Variants in ZFHX3 observed in about 807,000 individuals in gnomAD.
The protein encoded by ZFHX3 is zinc finger homeobox 3.
Under a neutral mutation model 279.1 loss-of-function variants are expected in ZFHX3, and 42 were observed. The observed-to-expected ratio is 0.15, with a 90% CI of 0.12 to 0.19. The LOEUF (loss-of-function observed/expected upper bound fraction) is 0.19, where lower values mean the gene tolerates loss of function less well. ZFHX3 is among the 10% of genes least tolerant of loss of function. The pLI, the probability that ZFHX3 is intolerant of heterozygous loss-of-function variation, is 1.00. For missense variants in ZFHX3, 4,981 were observed against 4,754.0 expected, an observed-to-expected ratio of 1.05 and a Z score of -1.40; for synonymous variants, 2,293 against 1,957.8, an observed-to-expected ratio of 1.17 and a Z score of -4.52.
intron 3 of ZFHX3, among the ~76,000 whole-genome samples, chr16:73,322,227 T>C (rs1260599444): frequency 6.6e-6 from 1 of 150,678 alleles, no homozygotes. Context: ...CAGAGGCAGA[T>C]GAAATCAGCC....
chr16:72,838,627 T>C (rs2037261943), intron 4 of ZFHX3, among the ~76,000 whole-genome samples: 1 of 152,070 alleles, frequency 6.6e-6, no homozygotes, highest in Non-Finnish European at 1.5e-5. Context: ...GGTCCTGCCA[T>C]TTTTCCTCTC....
intron 1 of ZFHX3, among the ~76,000 whole-genome samples, chr16:72,997,347 C>T (rs542003223): frequency 6.6e-6 from 1 of 152,286 alleles, no homozygotes; most frequent in South Asian, 2.1e-4. Context: ...AGCTGCCTTC[C>T]TTTAAAGGTC....
rs1437313238 is a variant in ZFHX3, at chr16:73,102,194, G to C, written c.-896-8596C>G. ...CTCCCAAAGTGCTGGGATTACAGGA[G>C]TGAGCCACTGTGCCTGGCCTCTTCC... On this transcript the variant is annotated intron_variant, in intron 7 of 17. Transcript: ENST00000641206. Among the ~76,000 whole-genome samples, 6 of 152,096 alleles carry C rather than the reference G, an allele frequency of 3.9e-5. No homozygotes were observed. In the East Asian group the frequency reaches 1.2e-3, roughly 29 times the overall value.
At chr16:72,978,196 C>G (rs1962436246) in intron 1 of ZFHX3, among the ~76,000 whole-genome samples, 1 of 152,144 alleles carries the variant, frequency 6.6e-6, no homozygotes, top group Admixed American at 6.5e-5. Flanking sequence ...GGAACTCTTT[C>G]CCGAGCATTC....
At position 73,224,664 on chromosome 16, in the gene ZFHX3, C is replaced by A. The variant is rs889397985; in HGVS notation, c.-1104+32383G>T. On this transcript the variant is annotated intron_variant, in intron 5 of 17. Transcript: ENST00000641206. ...CCTGACAGATGAAATGCTATAGTAG[C>A]CATGTAGAATTGTTTGCTAAAAAGA... Among the ~76,000 whole-genome samples the A allele has an allele frequency of 1.8e-4, 28 of 152,240 alleles. 1 individual carries two copies. The highest frequency in any genetic ancestry group is 1.1e-3 in the Admixed American group (17 of 15,292).
At chr16:73,602,846 C>T (rs993309216) in intron 2 of ZFHX3, among the ~76,000 whole-genome samples, 6 of 138,056 alleles carry the variant, frequency 4.3e-5, no homozygotes, top group African/African-American at 2.0e-4. Context: ...ATTCGGGAGG[C>T]TGAAGCAGGA....
At chr16:73,255,255 A>G (rs1189107203) in intron 5 of ZFHX3, among the ~76,000 whole-genome samples, 4 of 152,252 alleles carry the variant, frequency 2.6e-5, no homozygotes, top group African/African-American at 9.6e-5. Context: ...AAATGATAAC[A>G]AGCCAGTGAA....
intron 5 of ZFHX3, among the ~76,000 whole-genome samples, chr16:72,818,475 T>C (rs756031342): frequency 6.6e-6 from 1 of 152,182 alleles, no homozygotes; most frequent in South Asian, 2.1e-4. Context: ...CTCCCCCCAA[T>C]AGAGAGAACA....
chr16:73,090,977 T>A (rs1376226860), intron 8 of ZFHX3, among the ~76,000 whole-genome samples: 2 of 148,278 alleles, frequency 1.3e-5, no homozygotes, highest in Admixed American at 6.8e-5. Context: ...TTTGGGAGGC[T>A]GTGGCTAGCG....
intron 5 of ZFHX3, among the ~76,000 whole-genome samples, chr16:73,157,515 G>C (rs1252584645): frequency 7.8e-6 from 1 of 128,194 alleles, no homozygotes; most frequent in African/African-American, 3.1e-5. Flanking sequence ...TTATCTGAAA[G>C]ATATAATAAT....
intron 5 of ZFHX3, among the ~76,000 whole-genome samples, chr16:73,237,988 A>G (rs1014355989): frequency 6.6e-6 from 1 of 152,028 alleles, no homozygotes; most frequent in African/African-American, 2.4e-5. Context: ...CTACTTTCCC[A>G]TTAAAACTGC....
intron 2 of ZFHX3, among the ~76,000 whole-genome samples, chr16:73,649,112 A>T (rs556126708): frequency 6.6e-6 from 1 of 152,242 alleles, no homozygotes; most frequent in African/African-American, 2.4e-5. Context: ...AATACTTTCT[A>T]TGTTAACCAT....
chr16:73,105,748 G>A (rs1966296044), intron 7 of ZFHX3, among the ~76,000 whole-genome samples: 1 of 152,056 alleles, frequency 6.6e-6, no homozygotes, highest in South Asian at 2.1e-4. Flanking sequence ...GTGAGCCTCT[G>A]TCTCAAAAAA....
intron 2 of ZFHX3, among the ~76,000 whole-genome samples, chr16:73,484,423 C>G (rs1285445973): frequency 6.6e-6 from 1 of 152,160 alleles, no homozygotes; most frequent in Admixed American, 6.5e-5. Context: ...CAGACTTTCG[C>G]CCTTGGCATT....
intron 5 of ZFHX3, among the ~76,000 whole-genome samples, chr16:72,815,177 G>A (rs1345576844): frequency 1.3e-5 from 2 of 152,164 alleles, no homozygotes; most frequent in African/African-American, 4.8e-5. Context: ...GAAGGCTGAG[G>A]TGGGCAGATC....
At chr16:73,401,717 T>A (rs1039794790) in intron 3 of ZFHX3, 2 of 152,144 alleles carry the variant, frequency 1.3e-5, no homozygotes, top group Admixed American at 6.5e-5. Flanking sequence ...AAATTCAAAG[T>A]TATTATTATT....
chr16:73,296,451 G>A (rs1220561426), intron 4 of ZFHX3, among the ~76,000 whole-genome samples: 2 of 152,138 alleles, frequency 1.3e-5, no homozygotes, highest in African/African-American at 4.8e-5. Flanking sequence ...TCCAAGGACA[G>A]TACTGTCCTA....
At chr16:72,856,374 G>A (rs1007927695) in intron 4 of ZFHX3, among the ~76,000 whole-genome samples, 2 of 152,190 alleles carry the variant, frequency 1.3e-5, no homozygotes, top group African/African-American at 2.4e-5. Context: ...GACCTGGGGG[G>A]CTCACGAGGC....
At chr16:73,055,466 T>C (rs1259372630) in intron 1 of ZFHX3, among the ~76,000 whole-genome samples, 2 of 152,306 alleles carry the variant, frequency 1.3e-5, no homozygotes, top group African/African-American at 4.8e-5. Context: ...GGTTTTGGCC[T>C]CTGAGCAGCT....
Sources: allele counts gnomAD v4.1 joint callset (sites outside exome capture counted in the v4.1 genomes callset), GRCh38; gene constraint gnomAD v4.1.1; transcripts MANE v1.5; gene names NCBI Gene and HGNC (gene_info 2026-07-23, HGNC 2026-07-21).